SAMD12: variants seen among roughly 807,000 people sequenced by gnomAD.
SAMD12 encodes sterile alpha motif domain containing 12, also known as sterile alpha motif domain-containing protein 12.
Under a neutral mutation model 15.0 loss-of-function variants are expected in SAMD12, and 9 were observed. The observed-to-expected ratio is 0.60, with a 90% confidence interval of 0.36 to 1.05. SAMD12 has a LOEUF of 1.05. Ranked by LOEUF, SAMD12 falls within the 50% of genes least tolerant of loss-of-function variation. SAMD12 has a pLI of 0.01. For synonymous variants in SAMD12, 86 were observed against 90.1 expected (o/e 0.96, Z 0.25); for missense variants, 230 against 234.2 (o/e 0.98, Z 0.12).
At chr8:118,424,333 G>A (rs978705931) in intron 3 of SAMD12, among the ~76,000 whole-genome samples, 4 of 152,062 alleles carry the variant, frequency 2.6e-5, no homozygotes, top group Admixed American at 6.5e-5. Context: ...CTGCAACTAC[G>A]GATCAATAAT....
At chr8:118,236,286 T>C (rs917770165) in intron 4 of SAMD12, among the ~76,000 whole-genome samples, 9 of 152,188 alleles carry the variant, frequency 5.9e-5, no homozygotes, top group African/African-American at 2.2e-4. Context: ...GCCATGTGCC[T>C]TCATAGCATT....
At chr8:118,191,906 C>G (rs1819415551) in exon 5 of SAMD12, 1 of 146,218 alleles carries the variant, frequency 6.8e-6, no homozygotes, top group Non-Finnish European at 1.5e-5. Flanking sequence ...CAGGCATGCT[C>G]AAACTCAAAT....
the SAMD12 span, among the ~76,000 whole-genome samples, chr8:118,134,229 T>C: frequency 6.6e-6 from 1 of 152,240 alleles, no homozygotes; most frequent in Non-Finnish European, 1.5e-5. Context: ...AACAACCGAC[T>C]GTCTCTGGGT....
rs976552719 is a variant in SAMD12 at position 118,255,925 on chromosome 8, T to G, written c.434-58193A>C. On this transcript the variant is annotated intron_variant, in intron 4 of 4. Coordinates refer to the SAMD12 transcript ENST00000409003. The stretch of plus-strand genomic sequence containing the variant: ...TCTAGTTCTAGATCCCTGAGGAATC[T>G]CCACACTGACTTCCACAATGGTTGA... Among the ~76,000 whole-genome samples, 5 of 152,106 alleles carry G rather than the reference T, an allele frequency of 3.3e-5. No homozygotes were observed. In the East Asian group the frequency reaches 5.8e-4, roughly 18 times the overall value.
rs146625725 is a variant in SAMD12, at chr8:118,263,868, C to T, written c.434-66136G>A. On this transcript the variant is annotated intron_variant, in intron 4 of 4. Transcript: ENST00000409003. ...TCTCAGTCAAGGTGCTGACAGTAAACGCATAAACAGTCCTTATAAAGCTTC... is the reference window on the plus strand; with the variant it reads ...TCTCAGTCAAGGTGCTGACAGTAAATGCATAAACAGTCCTTATAAAGCTTC... Among the ~76,000 whole-genome samples the T allele has an allele frequency of 2.7e-3, 406 of 152,174 alleles. 3 individuals carry two copies. The highest frequency in any genetic ancestry group is 4.2e-3 in the Non-Finnish European group (288 of 67,976).
At chr8:118,454,820 A>G (rs931615313) in intron 2 of SAMD12, among the ~76,000 whole-genome samples, 4 of 152,080 alleles carry the variant, frequency 2.6e-5, no homozygotes, top group African/African-American at 9.7e-5. Flanking sequence ...CCCTCTGGCA[A>G]TTACCATTCT....
Position 118,397,761 on chromosome 8 carries a change from C to T in SAMD12, c.323-18061G>A, listed in dbSNP as rs142654303. 4.7e-3 allele frequency among the ~76,000 whole-genome samples: 703 copies of T among 150,526 alleles called. 6 individuals carry two copies. The highest frequency in any genetic ancestry group is 0.015 in the African/African-American group (611 of 40,590). On this transcript the variant is annotated intron_variant, in intron 3 of 3. Coordinates refer to ENST00000314727, the MANE Select transcript of SAMD12 (RefSeq NM_207506.3). ...TCTGGGTAGGTTCAACTATTATCCCCATTTTAAAAATGAGGAAAATGGGAC... is the reference window on the plus strand; with the variant it reads ...TCTGGGTAGGTTCAACTATTATCCCTATTTTAAAAATGAGGAAAATGGGAC...
At chr8:118,427,098 T>C (rs1822256364) in intron 3 of SAMD12, among the ~76,000 whole-genome samples, 1 of 152,228 alleles carries the variant, frequency 6.6e-6, no homozygotes, top group African/African-American at 2.4e-5. Context: ...TTTGGTATCT[T>C]CAGATTATTC....
chr8:118,362,415 C>T (rs1007044311), intron 4 of SAMD12, among the ~76,000 whole-genome samples: 3 of 152,020 alleles, frequency 2.0e-5, no homozygotes, highest in African/African-American at 4.8e-5. Context: ...ATTTTAGGGA[C>T]ACAAATGACA....
intron 2 of SAMD12, among the ~76,000 whole-genome samples, chr8:118,492,224 C>G (rs1586760538): frequency 6.6e-6 from 1 of 150,864 alleles, no homozygotes; most frequent in African/African-American, 2.4e-5. Flanking sequence ...TGATGTTGAG[C>G]ACATTTTCAT....
chr8:118,164,414 C>T, the SAMD12 span, among the ~76,000 whole-genome samples: 1 of 152,168 alleles, frequency 6.6e-6, no homozygotes, highest in South Asian at 2.1e-4. Flanking sequence ...ATGGTGTCAT[C>T]CAACACTAGT....
chr8:118,505,612 G>C (rs1267815536), intron 2 of SAMD12, among the ~76,000 whole-genome samples: 1 of 151,802 alleles, frequency 6.6e-6, no homozygotes, highest in Non-Finnish European at 1.5e-5. Context: ...GGAAGGCAGA[G>C]GAGAAAGACA....
At chr8:118,263,604 TA>T (rs1039412536) in intron 4 of SAMD12, among the ~76,000 whole-genome samples, 3 of 151,648 alleles carry the variant, frequency 2.0e-5, no homozygotes, top group African/African-American at 7.3e-5. Context: ...GTAAAAAAAA[TA>T]AAAAAAGACA....
At chr8:118,396,773 G>A (rs1484610599) in intron 3 of SAMD12, among the ~76,000 whole-genome samples, 3 of 152,182 alleles carry the variant, frequency 2.0e-5, no homozygotes, top group East Asian at 1.9e-4. Flanking sequence ...GTTGATAACC[G>A]AGGTGATTTT....
At chr8:118,405,281 G>T (rs1426767458) in intron 3 of SAMD12, among the ~76,000 whole-genome samples, 3 of 152,120 alleles carry the variant, frequency 2.0e-5, no homozygotes, top group Non-Finnish European at 2.9e-5. Context: ...GAAAGTTCAT[G>T]ACAGCTTTAC....
chr8:118,590,937 T>C (rs1827572201), intron 1 of SAMD12, among the ~76,000 whole-genome samples: 1 of 152,026 alleles, frequency 6.6e-6, no homozygotes, highest in Non-Finnish European at 1.5e-5. Context: ...TGCAGAGAAA[T>C]ATAAGACATG....
intron 4 of SAMD12, among the ~76,000 whole-genome samples, chr8:118,318,576 G>A (rs1025750336): frequency 1.6e-4 from 25 of 151,804 alleles, no homozygotes; most frequent in Middle Eastern, 6.8e-3. Flanking sequence ...GATAGTGGGA[G>A]GTGGGTGAAG....
intron 4 of SAMD12, among the ~76,000 whole-genome samples, chr8:118,321,781 CT>C (rs1245486272): frequency 2.0e-5 from 3 of 152,138 alleles, no homozygotes; most frequent in Non-Finnish European, 2.9e-5. Flanking sequence ...ATTAGGCAAG[CT>C]ATTTAACCAT....
chr8:118,165,650 A>ATGTATATATATAT, the SAMD12 span, among the ~76,000 whole-genome samples: 1 of 146,240 alleles, frequency 6.8e-6, no homozygotes, highest in African/African-American at 2.5e-5. Flanking sequence ...ATATATATAT[A>ATGTATATATATAT]AAACATAACA....
Sources: allele counts gnomAD v4.1 joint callset (sites outside exome capture counted in the v4.1 genomes callset), GRCh38; gene constraint gnomAD v4.1.1; transcripts MANE v1.5; gene names NCBI Gene and HGNC (gene_info 2026-07-23, HGNC 2026-07-21).